The following HSD17B12 variants were observed in gnomAD, a reference collection of about 807,000 sequenced individuals.
HSD17B12 encodes very-long-chain 3-oxoacyl-CoA reductase.
HSD17B12 carries 32 observed loss-of-function variants against 39.3 expected under a neutral mutation model. The observed-to-expected ratio is 0.81, with a 90% CI of 0.61 to 1.09. The LOEUF is 1.09. Ranked by LOEUF, HSD17B12 falls within the 50% of genes least tolerant of loss-of-function variation. HSD17B12 has a pLI of 0.00. For synonymous variants in HSD17B12, 150 were observed against 146.7 expected (o/e 1.02, Z -0.16); for missense variants, 342 against 382.9 (o/e 0.89, Z 0.89).
chr11:43,802,243 C>G (rs1950978746), intron 4 of HSD17B12, among the ~76,000 whole-genome samples: 3 of 151,948 alleles, frequency 2.0e-5, no homozygotes. Flanking sequence ...GCCTCGGCCT[C>G]CCAAAGTGCT....
the HSD17B12 span, among the ~76,000 whole-genome samples, chr11:43,673,549 A>G: frequency 1.5e-5 from 2 of 131,918 alleles, no homozygotes; most frequent in African/African-American, 5.7e-5. Flanking sequence ...CTGGAGTTCA[A>G]TGGCGCAATC....
intron 3 of HSD17B12, among the ~76,000 whole-genome samples, chr11:43,790,091 A>T (rs543332960): frequency 6.6e-6 from 1 of 152,244 alleles, no homozygotes; most frequent in East Asian, 1.9e-4. Context: ...CTGACTTGCC[A>T]TCAATTATAA....
intron 9 of HSD17B12, among the ~76,000 whole-genome samples, chr11:43,843,688 C>A (rs1951448054): frequency 6.6e-6 from 1 of 152,178 alleles, no homozygotes; most frequent in Non-Finnish European, 1.5e-5. Flanking sequence ...TGCACCTGAA[C>A]CCTATGGCTG....
chr11:43,826,168 C>T (rs1251287224), intron 6 of HSD17B12, among the ~76,000 whole-genome samples: 7 of 151,072 alleles, frequency 4.6e-5, no homozygotes, highest in Non-Finnish European at 7.4e-5. Flanking sequence ...CTGCAAGCTC[C>T]GCCTCCCGGG....
At chr11:43,760,569 G>A (rs977686510) in intron 3 of HSD17B12, among the ~76,000 whole-genome samples, 2 of 152,170 alleles carry the variant, frequency 1.3e-5, no homozygotes, top group African/African-American at 4.8e-5. Context: ...ATAGTGAACA[G>A]AAGAGTAGGA....
intron 4 of HSD17B12, among the ~76,000 whole-genome samples, chr11:43,802,117 C>G (rs956290367): frequency 5.9e-5 from 9 of 151,972 alleles, no homozygotes; most frequent in African/African-American, 2.2e-4. Context: ...TCCTGAGTAG[C>G]TGGGACTACA....
chr11:43,812,946 A>G (rs1951086733), intron 4 of HSD17B12, among the ~76,000 whole-genome samples: 1 of 152,018 alleles, frequency 6.6e-6, no homozygotes. Flanking sequence ...GGTTCAAGCA[A>G]TTCTCCTACC....
At chr11:43,755,470 G>A (rs1161089814) in intron 3 of HSD17B12, 1 of 152,296 alleles carries the variant, frequency 6.6e-6, no homozygotes, top group Middle Eastern at 3.4e-3. Context: ...CCTACACAGA[G>A]GATTGGTGAA....
At chr11:43,635,086 G>A in the HSD17B12 span, among the ~76,000 whole-genome samples, 37 of 152,238 alleles carry the variant, frequency 2.4e-4, no homozygotes, top group African/African-American at 8.9e-4. Context: ...AAAAAAAACA[G>A]ATGAAGAAAA....
At chr11:43,759,270 T>C (rs907187506) in intron 3 of HSD17B12, among the ~76,000 whole-genome samples, 1 of 152,212 alleles carries the variant, frequency 6.6e-6, no homozygotes, top group Non-Finnish European at 1.5e-5. Flanking sequence ...TAATTCCTTA[T>C]GAATGTGGAG....
chr11:43,657,736 C>A, the HSD17B12 span, among the ~76,000 whole-genome samples: 2 of 152,216 alleles, frequency 1.3e-5, no homozygotes, highest in African/African-American at 2.4e-5. Context: ...GACCCCCAGT[C>A]TCTTCTGGCT....
chr11:43,673,492 C>CTTTTTTTTTTTTTTTT, the HSD17B12 span: 2 of 83,872 alleles, frequency 2.4e-5, no homozygotes, highest in African/African-American at 4.5e-5. Flanking sequence ...CTTTTCTTTT[C>CTTTTTTTTTTTTTTTT]TTTTTTTTTT....
intron 9 of HSD17B12, among the ~76,000 whole-genome samples, chr11:43,841,962 G>T (rs1192712158): frequency 6.6e-6 from 1 of 152,168 alleles, no homozygotes; most frequent in Non-Finnish European, 1.5e-5. Context: ...TCATACAATG[G>T]TGTGATGATG....
In HSD17B12 at chr11:43,782,161, A is replaced by T. The variant is rs567822488; in HGVS notation, c.284-16159A>T. Among the ~76,000 whole-genome samples, 8 of 152,324 alleles carry T rather than the reference A, an allele frequency of 5.3e-5. No individual in the cohort carries two copies. The East Asian group carries it at 1.5e-3, about 29-fold the overall frequency. Reference sequence around the variant, plus strand: ...TTGCCCCTACAAAGCTCACATATTTATTTAGACCCTTTATCCACCAAGTGA... The same window carrying T: ...TTGCCCCTACAAAGCTCACATATTTTTTTAGACCCTTTATCCACCAAGTGA... On this transcript the variant is annotated intron_variant, in intron 3 of 10. Coordinates refer to ENST00000278353, the MANE Select transcript of HSD17B12 (RefSeq NM_016142.3).
In HSD17B12 at chr11:43,690,391, TATATATATATA is replaced by T. The variant is rs1393482001; in HGVS notation, c.160+9405_160+9415del. Among the ~76,000 whole-genome samples, 104 of 24,816 alleles carry T rather than the reference TATATATATATA, an allele frequency of 4.2e-3. 5 individuals are homozygous for T. The highest frequency in any genetic ancestry group is 0.011 in the South Asian group (5 of 470). The allele number at this position is 24,816 out of a possible 152,430, so 16.3% of individuals were successfully genotyped here. On this transcript the variant is annotated intron_variant, in intron 1 of 10. Coordinates refer to ENST00000278353, the MANE Select transcript of HSD17B12 (RefSeq NM_016142.3). ...ATATATATATATATATATATATATA[TATATATATATA>T]TATTTTTTTTTTTTTTTTTCTGAGA...
At chr11:43,791,088 A>T (rs1227093828) in intron 3 of HSD17B12, among the ~76,000 whole-genome samples, 1 of 152,228 alleles carries the variant, frequency 6.6e-6, no homozygotes, top group Non-Finnish European at 1.5e-5. Flanking sequence ...TTGAAAGTTC[A>T]AAGGCTTGAG....
intron 7 of HSD17B12, among the ~76,000 whole-genome samples, chr11:43,835,926 T>C (rs1951366537): frequency 6.6e-6 from 1 of 152,190 alleles, no homozygotes; most frequent in African/African-American, 2.4e-5. Context: ...AAGGAACTTT[T>C]ATTATCTTTA....
the HSD17B12 span, among the ~76,000 whole-genome samples, chr11:43,602,539 C>A: frequency 6.6e-6 from 1 of 152,048 alleles, no homozygotes; most frequent in Admixed American, 6.6e-5. Flanking sequence ...CTTTTTACCC[C>A]CCACTGCTAT....
chr11:43,685,049 G>A (rs940543406), intron 1 of HSD17B12, among the ~76,000 whole-genome samples: 16 of 152,218 alleles, frequency 1.1e-4, no homozygotes, highest in Middle Eastern at 3.4e-3. Flanking sequence ...TTGTATTGCT[G>A]AATAATATTC....
Sources: gnomAD v4.1 joint callset for allele counts (sites outside exome capture counted in the v4.1 genomes callset) on GRCh38, gnomAD v4.1.1 for gene constraint, MANE v1.5 for transcripts, NCBI Gene and HGNC (gene_info 2026-07-23, HGNC 2026-07-21) for gene names.